The following ARHGAP23 variants were observed in gnomAD, a reference collection of about 807,000 sequenced individuals.
ARHGAP23 encodes Rho GTPase activating protein 23.
A neutral mutation model predicts 136.3 loss-of-function variants in ARHGAP23; 34 were observed. The ratio of observed to expected loss-of-function variants is 0.25; its 90% CI spans 0.19 to 0.33. The LOEUF is 0.33. Among genes scored for constraint, ARHGAP23 ranks in the 10% least tolerant of loss-of-function variants. The probability of loss-of-function intolerance (pLI) is 1.00; values close to 1 mark genes in which losing one functional copy is unlikely to be tolerated. For synonymous variants in ARHGAP23, 832 were observed against 920.5 expected (o/e 0.90, Z 1.74); for missense variants, 1,808 against 2,139.0 (o/e 0.85, Z 3.05).
At chr17:38,437,582 A>C (rs1664516462) in intron 1 of ARHGAP23, among the ~76,000 whole-genome samples, 2 of 151,350 alleles carry the variant, frequency 1.3e-5, no homozygotes, top group South Asian at 4.2e-4. Flanking sequence ...GCACTGCTGC[A>C]CTCCAGCCTG....
chr17:38,484,528 G>A (rs2040118511), intron 16 of ARHGAP23, among the ~76,000 whole-genome samples: 1 of 152,196 alleles, frequency 6.6e-6, no homozygotes, highest in African/African-American at 2.4e-5. Context: ...GAGTGGGACA[G>A]AAGGAGAGGG....
intron 1 of ARHGAP23, among the ~76,000 whole-genome samples, chr17:38,440,053 GCT>G: frequency 6.7e-6 from 1 of 150,278 alleles, no homozygotes; most frequent in East Asian, 2.0e-4. Flanking sequence ...AGACAGTCTT[GCT>G]CTGTCACCCA....
chr17:38,491,455 A>G lies in ARHGAP23; in HGVS notation c.3199A>G (p.Thr1067Ala). The G allele has an allele frequency of 5.2e-6, 8 of 1,549,606 alleles. No homozygotes were observed. Among genetic ancestry groups the G allele is most frequent in the Non-Finnish European group, 6.1e-6 (7 of 1,146,826 alleles). Residue 1067 changes from threonine to alanine, a missense_variant, in exon 20 of 24, where the codon ACG becomes GCG. By Grantham distance (58) the Thr-to-Ala change is moderately conservative (BLOSUM62 0). Coordinates refer to ENST00000622683, the MANE Select transcript of ARHGAP23 (RefSeq NM_001199417.2). ...GGTCTTTGGGCCGACACTGGTGAGG[A>G]CGTCTGAGGACAACATGACAGACAT... is the stretch of plus-strand genomic sequence containing the variant. Reference protein sequence around the residue: ...ALVFGPTLVRTSEDNMTDMVT... With the variant: ...ALVFGPTLVRASEDNMTDMVT...
intron 20 of ARHGAP23, among the ~76,000 whole-genome samples, chr17:38,497,125 AT>A (rs956565045): frequency 7.1e-4 from 107 of 150,668 alleles, no homozygotes; most frequent in African/African-American, 2.3e-3. Context: ...AGCAATCTGG[AT>A]TTTTTTTTTC....
In ARHGAP23 at chr17:38,466,571, A is replaced by G. The variant is rs2039601853; in HGVS notation, c.888A>G (p.Val296=). The change falls in exon 7 of 24, where the codon GTA becomes GTG. Residue 296 remains valine, a synonymous_variant. Transcript: ENST00000622683. ...QALSHWLSNQ[V]PRRAGERRCP... ...TGTCACACTGGCTGTCAAACCAGGT[A>G]CCCCGCCGGGCGGGGGAGAGACGGT... The G allele has an allele frequency of 6.7e-7, 1 of 1,486,664 alleles. No homozygotes were observed. Among genetic ancestry groups the G allele is most frequent in the African/African-American group, 1.4e-5 (1 of 71,208 alleles). The allele number at this position is 1,486,664 out of a possible 1,614,324, so 92.1% of individuals were successfully genotyped here. A position where few individuals can be genotyped will look rare whatever the true frequency, so the allele number is the denominator to read the frequency against.
intron 1 of ARHGAP23, among the ~76,000 whole-genome samples, chr17:38,431,802 C>T (rs943009640): frequency 6.6e-6 from 1 of 152,304 alleles, no homozygotes; most frequent in African/African-American, 2.4e-5. Flanking sequence ...CCCTCAGCCT[C>T]GGCAGACAAG....
rs370505989 is a variant in ARHGAP23 at position 38,509,912 on chromosome 17, G to GC, written c.3448-26dup. 20 of 1,242,644 alleles carry GC rather than the reference G, an allele frequency of 1.6e-5. No individual in the cohort carries two copies. In the African/African-American group the frequency reaches 1.9e-4, roughly 12 times the overall value. The allele number at this position is 1,242,644 out of a possible 1,614,324, so 77.0% of individuals were successfully genotyped here. ...GGTCGGCAGGGGGCCGAGTCCGGGC[G>GC]CCCCCCGCATCCTGACCTGTCTCCC... On this transcript the variant is annotated intron_variant, in intron 23 of 23. Coordinates refer to ENST00000622683, the MANE Select transcript of ARHGAP23 (RefSeq NM_001199417.2).
intron 20 of ARHGAP23, among the ~76,000 whole-genome samples, chr17:38,492,629 G>A (rs1234419329): frequency 1.3e-5 from 2 of 152,224 alleles, no homozygotes; most frequent in South Asian, 4.1e-4. Context: ...GGGGGCCAGG[G>A]TAAGGAGGCG....
intron 2 of ARHGAP23, among the ~76,000 whole-genome samples, chr17:38,459,754 C>T (rs1458033462): frequency 6.6e-6 from 1 of 152,224 alleles, no homozygotes; most frequent in Non-Finnish European, 1.5e-5. Flanking sequence ...GTCCTTCATG[C>T]TGCCACCTGG....
At chr17:38,485,488 C>T (rs1280808029) in intron 16 of ARHGAP23, among the ~76,000 whole-genome samples, 1 of 152,136 alleles carries the variant, frequency 6.6e-6, no homozygotes, top group African/African-American at 2.4e-5. Flanking sequence ...GAAACAAAAG[C>T]AGAAAATAAT....
At position 38,482,546 on chromosome 17, in the gene ARHGAP23, A is replaced by T; in HGVS notation, c.2775A>T (p.Ala925=). 6.5e-7 allele frequency: 1 copy of T among 1,548,024 alleles called. No individual in the cohort carries two copies. Among genetic ancestry groups the T allele is most frequent in the Non-Finnish European group, 8.7e-7 (1 of 1,144,624 alleles). ...AGCGCGTCCCCTTAATCGTGGCTGC[A>T]TGCTGTCGCATTGTGGAGGCACGAG... is the stretch of plus-strand genomic sequence containing the variant. ...ENQRVPLIVA[A]CCRIVEARGL... Residue 925 remains alanine, a synonymous_variant, in exon 16 of 24, where the codon GCA becomes GCT. Coordinates refer to ENST00000622683, the MANE Select transcript of ARHGAP23 (RefSeq NM_001199417.2).
At chr17:38,488,931 A>G (rs906365016) in intron 17 of ARHGAP23, among the ~76,000 whole-genome samples, 21 of 151,894 alleles carry the variant, frequency 1.4e-4, no homozygotes, top group Non-Finnish European at 7.4e-5. Flanking sequence ...GCTGGAGTGC[A>G]GTGTTACGAT....
intron 16 of ARHGAP23, among the ~76,000 whole-genome samples, chr17:38,485,689 A>T (rs1037377833): frequency 2.6e-5 from 4 of 152,150 alleles, no homozygotes; most frequent in African/African-American, 9.7e-5. Flanking sequence ...AAACCAGCAC[A>T]TGCAGAGGAC....
At chr17:38,500,281 G>A (rs900842388) in intron 22 of ARHGAP23, 7 of 418,280 alleles carry the variant, frequency 1.7e-5, no homozygotes, top group African/African-American at 4.0e-5. Context: ...AGGGACGGGC[G>A]GGGAAGGGGA....
intron 16 of ARHGAP23, among the ~76,000 whole-genome samples, chr17:38,483,477 C>A (rs775865949): frequency 6.6e-6 from 1 of 152,258 alleles, no homozygotes; most frequent in Non-Finnish European, 1.5e-5. Context: ...CAGGTCAGGA[C>A]CCCCTGTCCT....
chr17:38,459,744 G>C (rs1007025311), intron 2 of ARHGAP23, among the ~76,000 whole-genome samples: 1 of 152,174 alleles, frequency 6.6e-6, no homozygotes, highest in East Asian at 1.9e-4. Context: ...GTGTTCTCCC[G>C]TCCTTCATGC....
Position 38,466,411 on chromosome 17 carries a change from C to T in ARHGAP23, c.728C>T (p.Ser243Phe), listed in dbSNP as rs765796361. The change falls in exon 7 of 24, where the codon TCT becomes TTT. Residue 243 changes from serine to phenylalanine, a missense_variant. By Grantham distance (155) the Ser-to-Phe change is radical. This residue lies in a region of ARHGAP23 where 859 missense variants were observed against 936.4 expected (regional missense o/e 0.92). Coordinates refer to ENST00000622683, the MANE Select transcript of ARHGAP23 (RefSeq NM_001199417.2). Reference sequence around the variant, plus strand: ...GCTGCCCGTGCCCACCTGGACAACTCTTCCTTGGGGATGAGCCAGCCCCGC... The same window carrying T: ...GCTGCCCGTGCCCACCTGGACAACTTTTCCTTGGGGATGAGCCAGCCCCGC... Reference protein sequence around the residue: ...PPAARAHLDNSSLGMSQPRPS... With the variant: ...PPAARAHLDNFSLGMSQPRPS... 1.6e-5 allele frequency: 24 copies of T among 1,531,222 alleles called. No individual in the cohort carries two copies. The South Asian group carries it at 2.5e-4, about 16-fold the overall frequency. 94.9% of individuals were successfully genotyped at this position (1,531,222 alleles called of 1,614,324 possible). A position where few individuals can be genotyped will look rare whatever the true frequency, so the allele number is the denominator to read the frequency against.
At chr17:38,422,596 TGCTTACCCTGCTGCCA>T (rs905151133) in intron 1 of ARHGAP23, among the ~76,000 whole-genome samples, 5 of 152,136 alleles carry the variant, frequency 3.3e-5, no homozygotes, top group Non-Finnish European at 5.9e-5. Flanking sequence ...GGGTGTGGCT[TGCTTACCCTGCTGCCA>T]GCTTACCCTG....
intron 10 of ARHGAP23, among the ~76,000 whole-genome samples, chr17:38,470,949 TTTTC>T (rs1025400579): frequency 4.0e-5 from 6 of 151,052 alleles, no homozygotes; most frequent in African/African-American, 9.8e-5. Context: ...CATGCATGAT[TTTTC>T]TTTCTTTTTT....
Sources: allele counts gnomAD v4.1 joint callset (sites outside exome capture counted in the v4.1 genomes callset), GRCh38; gene constraint gnomAD v4.1.1; regional missense constraint gnomAD v4.1.1; transcripts MANE v1.5; gene names NCBI Gene and HGNC (gene_info 2026-07-23, HGNC 2026-07-21).